GNAT3: variants seen among roughly 807,000 people sequenced by gnomAD.
GNAT3 encodes guanine nucleotide-binding protein G(t) subunit alpha-3.
A neutral mutation model predicts 37.7 loss-of-function variants in GNAT3; 31 were observed. That is an observed-to-expected ratio of 0.82 (90% confidence interval 0.62 to 1.11). The LOEUF (loss-of-function observed/expected upper bound fraction) is 1.11, where lower values mean the gene tolerates loss of function less well. Ranked by LOEUF, GNAT3 falls within the 50% of genes most tolerant of loss-of-function variation. The pLI, the probability that GNAT3 is intolerant of heterozygous loss-of-function variation, is 0.00. For synonymous variants in GNAT3, 138 were observed against 139.8 expected, an observed-to-expected ratio of 0.99 and a Z score of 0.09; for missense variants, 437 against 412.5, an observed-to-expected ratio of 1.06 and a Z score of -0.51.
intron 3 of GNAT3, among the ~76,000 whole-genome samples, chr7:80,480,470 G>A (rs1042695065): frequency 7.2e-5 from 11 of 152,054 alleles, no homozygotes; most frequent in Admixed American, 3.9e-4. Context: ...TCCCAAGAGA[G>A]GGTTCTTGGA....
At chr7:80,484,824 C>T (rs866650679) in intron 3 of GNAT3, among the ~76,000 whole-genome samples, 24 of 152,164 alleles carry the variant, frequency 1.6e-4, no homozygotes, top group African/African-American at 5.8e-4. Flanking sequence ...TCCCCTCTAA[C>T]TACATATCCC....
chr7:80,463,644 C>T (rs548875649), intron 5 of GNAT3, among the ~76,000 whole-genome samples: 14 of 151,946 alleles, frequency 9.2e-5, no homozygotes, highest in African/African-American at 3.4e-4. Context: ...CTATCATCTC[C>T]CTAATACAAT....
At chr7:80,486,251 A>G (rs1268283833) in intron 3 of GNAT3, among the ~76,000 whole-genome samples, 1 of 152,156 alleles carries the variant, frequency 6.6e-6, no homozygotes, top group Non-Finnish European at 1.5e-5. Flanking sequence ...ATAGTTGAGA[A>G]TATAGGTACT....
Position 80,511,913 on chromosome 7 carries a change from A to C in GNAT3, c.14T>G (p.Ile5Ser), listed in dbSNP as rs766552698. ...GGCTGACTCCTTGCTCTCTGAACTA[A>C]TTCCACTTCCCATCTTGTGGTGGTA... Reference protein sequence around the residue: MGSGISSESKESAKR... With the variant: MGSGSSSESKESAKR... The change falls in exon 1 of 8, where the codon ATT becomes AGT. Residue 5 changes from isoleucine (I) to serine (S), a missense_variant. Transcript: ENST00000398291. 1 of 1,609,118 alleles carries C rather than the reference A, an allele frequency of 6.2e-7. No homozygotes were observed. Among genetic ancestry groups the C allele is most frequent in the African/African-American group, 1.3e-5 (1 of 74,782 alleles).
intron 1 of GNAT3, among the ~76,000 whole-genome samples, chr7:80,504,933 T>C (rs1327374904): frequency 6.6e-6 from 1 of 152,148 alleles, no homozygotes; most frequent in Non-Finnish European, 1.5e-5. Flanking sequence ...ATAAGTAAAA[T>C]AATTATTGGC....
chr7:80,506,199 A>C (rs1790936928), intron 1 of GNAT3, among the ~76,000 whole-genome samples: 1 of 152,222 alleles, frequency 6.6e-6, no homozygotes, highest in Admixed American at 6.5e-5. Context: ...GAATATAAAT[A>C]TGTTCTGTAA....
At chr7:80,494,570 C>T (rs770607137) in intron 2 of GNAT3, 35 bp downstream of exon 2, 2 of 1,173,586 alleles carry the variant, frequency 1.7e-6, no homozygotes, top group African/African-American at 3.1e-5. Context: ...GGACAGACAT[C>T]AAATATTAAA....
chr7:80,481,441 AC>A (rs1425346752), intron 3 of GNAT3, among the ~76,000 whole-genome samples: 1 of 152,194 alleles, frequency 6.6e-6, no homozygotes, highest in Admixed American at 6.5e-5. Flanking sequence ...ACCCGCATTA[AC>A]ATTGAAACAG....
Position 80,462,640 on chromosome 7 carries a change from A to G in GNAT3, c.591-9T>C. ...CACCTACATCAAACATCCTTTAAGA[A>G]AACATCAAATGAATAATAAATCTTG... On this transcript the variant is annotated splice_polypyrimidine_tract_variant and intron_variant, in intron 5 of 7. Transcript: ENST00000398291. 6.2e-7 allele frequency: 1 copy of G among 1,606,182 alleles called. No individual in the cohort carries two copies. Among genetic ancestry groups the G allele is most frequent in the Non-Finnish European group, 8.5e-7 (1 of 1,175,720 alleles).
At chr7:80,484,925 A>T (rs975335031) in intron 3 of GNAT3, among the ~76,000 whole-genome samples, 6 of 152,050 alleles carry the variant, frequency 3.9e-5, no homozygotes, top group African/African-American at 1.2e-4. Flanking sequence ...ATTCCACAGG[A>T]GTAGGAGTCC....
intron 7 of GNAT3, among the ~76,000 whole-genome samples, chr7:80,461,215 C>T (rs1251043135): frequency 1.3e-5 from 2 of 152,100 alleles, no homozygotes; most frequent in East Asian, 1.9e-4. Flanking sequence ...GGCAACCTTA[C>T]GCACCTAAGT....
intron 3 of GNAT3, among the ~76,000 whole-genome samples, chr7:80,482,097 C>A (rs893539156): frequency 6.6e-6 from 1 of 152,124 alleles, no homozygotes; most frequent in Non-Finnish European, 1.5e-5. Context: ...TGGGTCATGG[C>A]CCTCACATTT....
chr7:80,486,032 T>C (rs564758115), intron 3 of GNAT3, among the ~76,000 whole-genome samples: 1 of 152,326 alleles, frequency 6.6e-6, no homozygotes, highest in East Asian at 1.9e-4. Flanking sequence ...TATGCACTTG[T>C]ATAAATAAAT....
chr7:80,466,188 G>T (rs1244549229), intron 5 of GNAT3, among the ~76,000 whole-genome samples: 3 of 152,092 alleles, frequency 2.0e-5, no homozygotes, highest in Non-Finnish European at 4.4e-5. Context: ...GGAGCCCGAT[G>T]TGCCATTTCC....
chr7:80,504,149 C>G (rs138821381), intron 1 of GNAT3, among the ~76,000 whole-genome samples: 242 of 152,188 alleles, frequency 1.6e-3, no homozygotes, highest in Non-Finnish European at 3.1e-3. Context: ...AACTCTGTCT[C>G]TACAAAAAAT....
chr7:80,486,376 G>A (rs2116186002), intron 3 of GNAT3: 1 of 151,390 alleles, frequency 6.6e-6, no homozygotes, highest in South Asian at 2.1e-4. Flanking sequence ...TGGCAGCAAT[G>A]TGTAGAGTTT....
At chr7:80,472,139 T>C (rs943425572) in intron 5 of GNAT3, among the ~76,000 whole-genome samples, 1 of 151,994 alleles carries the variant, frequency 6.6e-6, no homozygotes, top group African/African-American at 2.4e-5. Flanking sequence ...ATAATTTTTT[T>C]TAAAAGGAAA....
chr7:80,503,781 C>G (rs1790880236), intron 1 of GNAT3, among the ~76,000 whole-genome samples: 1 of 152,028 alleles, frequency 6.6e-6, no homozygotes, highest in African/African-American at 2.4e-5. Context: ...CTGACAGATA[C>G]AAGGAATTTA....
At chr7:80,464,425 G>A (rs933826338) in intron 5 of GNAT3, among the ~76,000 whole-genome samples, 2 of 152,096 alleles carry the variant, frequency 1.3e-5, no homozygotes, top group African/African-American at 4.8e-5. Flanking sequence ...CATGTGATCA[G>A]CCAGCAGTGG....
Sources: gnomAD v4.1 joint callset for allele counts (sites outside exome capture counted in the v4.1 genomes callset) on GRCh38, gnomAD v4.1.1 for gene constraint, MANE v1.5 for transcripts, NCBI Gene and HGNC (gene_info 2026-07-23, HGNC 2026-07-21) for gene names.